MAF: variants seen among roughly 807,000 people sequenced by gnomAD.
The protein encoded by MAF is MAF bZIP transcription factor.
In MAF, 10 loss-of-function variants were observed where a neutral mutation model predicts 22.0. The observed-to-expected ratio is 0.45, with a 90% confidence interval of 0.28 to 0.77. The LOEUF (loss-of-function observed/expected upper bound fraction) is 0.77. Ranked by LOEUF, MAF falls within the 30% of genes least tolerant of loss-of-function variation. The pLI is 0.12. For synonymous variants in MAF, 337 were observed against 255.8 expected (o/e 1.32, Z -3.03); for missense variants, 544 against 548.4 (o/e 0.99, Z 0.08).
chr16:79,299,936 AC>A, the MAF span, among the ~76,000 whole-genome samples: 2 of 152,128 alleles, frequency 1.3e-5, no homozygotes, highest in Non-Finnish European at 2.9e-5. Context: ...GGGCTTTCTG[AC>A]CCATTGTCCA....
chr16:79,590,226 G>A (rs911631919), downstream of MAF, among the ~76,000 whole-genome samples: 62 of 152,056 alleles, frequency 4.1e-4, no homozygotes, highest in Non-Finnish European at 6.6e-4. Context: ...ATGATGGGGG[G>A]GCATGGAGGG....
chr16:79,432,672 G>A, the MAF span, among the ~76,000 whole-genome samples: 2 of 152,158 alleles, frequency 1.3e-5, no homozygotes, highest in African/African-American at 4.8e-5. Context: ...TAGTTAAGAT[G>A]AAGTCATACT....
At chr16:79,494,366 A>T in the MAF span, among the ~76,000 whole-genome samples, 3 of 152,156 alleles carry the variant, frequency 2.0e-5, no homozygotes. Flanking sequence ...GGCTGTCAGC[A>T]GGAGTGGCTC....
At chr16:79,487,758 G>C in the MAF span, among the ~76,000 whole-genome samples, 2 of 152,120 alleles carry the variant, frequency 1.3e-5, no homozygotes, top group Non-Finnish European at 2.9e-5. Flanking sequence ...CTACATCCTT[G>C]GCCAGGACCC....
In MAF at chr16:79,600,074, C is replaced by G. The variant is rs879324884; in HGVS notation, c.-172G>C. On this transcript the variant is annotated 5_prime_UTR_variant, in exon 1 of 2. Transcript: ENST00000326043. Reference sequence around the variant, plus strand: ...CCTCCGAGCGCGCTCACACACACACCCCCCCGCCCTGCCCGCGCCCCCCGC... The same window carrying G: ...CCTCCGAGCGCGCTCACACACACACGCCCCCGCCCTGCCCGCGCCCCCCGC... 8.0e-6 allele frequency: 6 copies of G among 752,004 alleles called. No homozygotes were observed. The African/African-American group carries it at 1.1e-4, about 14-fold the overall frequency. 46.6% of individuals were successfully genotyped at this position (752,004 alleles called of 1,614,324 possible).
chr16:79,316,932 C>A, the MAF span, among the ~76,000 whole-genome samples: 2 of 152,164 alleles, frequency 1.3e-5, no homozygotes, highest in Non-Finnish European at 1.5e-5. Context: ...AGTAAAGCAC[C>A]TCGTGAATTC....
the MAF span, among the ~76,000 whole-genome samples, chr16:79,550,009 G>C: frequency 6.6e-6 from 1 of 152,146 alleles, no homozygotes. Flanking sequence ...ACTGAGGCAG[G>C]AGAAGCTTCT....
the MAF span, among the ~76,000 whole-genome samples, chr16:79,422,241 G>A: frequency 6.6e-6 from 1 of 152,168 alleles, no homozygotes; most frequent in East Asian, 1.9e-4. Flanking sequence ...ACCTTATTCA[G>A]CATATTTCAT....
the MAF span, among the ~76,000 whole-genome samples, chr16:79,433,714 T>C: frequency 6.6e-6 from 1 of 152,194 alleles, no homozygotes; most frequent in Non-Finnish European, 1.5e-5. Flanking sequence ...CCTGGTGCCT[T>C]CTGTGTGCCA....
At chr16:79,265,518 A>G in the MAF span, among the ~76,000 whole-genome samples, 1 of 152,238 alleles carries the variant, frequency 6.6e-6, no homozygotes, top group African/African-American at 2.4e-5. Context: ...CCGATACCAC[A>G]GATAGTTCTG....
chr16:79,367,997 A>G, the MAF span, among the ~76,000 whole-genome samples: 1 of 152,162 alleles, frequency 6.6e-6, no homozygotes, highest in East Asian at 1.9e-4. Context: ...CACAAACTCC[A>G]TTTGTTCAAC....
the MAF span, among the ~76,000 whole-genome samples, chr16:79,424,456 G>A: frequency 1.3e-5 from 2 of 152,120 alleles, no homozygotes; most frequent in African/African-American, 4.8e-5. Flanking sequence ...ACTTTTGCCT[G>A]TGTGATCCCC....
At chr16:79,506,495 G>A in the MAF span, among the ~76,000 whole-genome samples, 1 of 152,224 alleles carries the variant, frequency 6.6e-6, no homozygotes, top group African/African-American at 2.4e-5. Flanking sequence ...AGGCTCTCCT[G>A]CATGGGAACT....
At chr16:79,314,646 G>A in the MAF span, among the ~76,000 whole-genome samples, 1 of 152,254 alleles carries the variant, frequency 6.6e-6, no homozygotes, top group African/African-American at 2.4e-5. Context: ...CTTAGCTGGA[G>A]CAAATGCCGG....
chr16:79,326,722 T>C, the MAF span, among the ~76,000 whole-genome samples: 1 of 152,188 alleles, frequency 6.6e-6, no homozygotes, highest in Admixed American at 6.5e-5. Context: ...CATGGCTGTG[T>C]TCCAATAAAA....
chr16:79,257,923 G>A, the MAF span, among the ~76,000 whole-genome samples: 16,869 of 152,166 alleles, frequency 0.11, 1,790 homozygotes, highest in African/African-American at 0.28. Context: ...TTATCAGTAG[G>A]TGGTGCATTT....
chr16:79,303,128 G>T, the MAF span, among the ~76,000 whole-genome samples: 1 of 152,144 alleles, frequency 6.6e-6, no homozygotes, highest in Non-Finnish European at 1.5e-5. Context: ...GAGAGAGGGG[G>T]TGGGAGGCGT....
the MAF span, among the ~76,000 whole-genome samples, chr16:79,508,643 C>T: frequency 6.6e-6 from 1 of 152,212 alleles, no homozygotes; most frequent in Non-Finnish European, 1.5e-5. Flanking sequence ...CACTTTCCTA[C>T]CCTATACTGA....
chr16:79,595,346 A>G (rs775975215), intron 1 of MAF: 7 of 1,051,010 alleles, frequency 6.7e-6, no homozygotes, highest in Non-Finnish European at 8.0e-6. Flanking sequence ...ACTGGCCAGA[A>G]CTTAGCAGCA....
Sources: allele counts gnomAD v4.1 joint callset (sites outside exome capture counted in the v4.1 genomes callset), GRCh38; gene constraint gnomAD v4.1.1; transcripts MANE v1.5; gene names NCBI Gene and HGNC (gene_info 2026-07-23, HGNC 2026-07-21).